Variants in DDX10 observed in about 807,000 individuals in gnomAD.
The protein encoded by DDX10 is probable ATP-dependent RNA helicase DDX10.
DDX10 carries 74 observed loss-of-function variants against 104.3 expected under a neutral mutation model. The observed-to-expected ratio is 0.71, with a 90% CI of 0.59 to 0.86. The LOEUF is 0.86. Ranked by LOEUF, DDX10 falls within the 40% of genes least tolerant of loss-of-function variation. The pLI is 0.00. For synonymous variants in DDX10, 351 were observed against 353.4 expected (o/e 0.99, Z 0.08); for missense variants, 952 against 1,040.0 (o/e 0.92, Z 1.16).
intron 13 of DDX10, among the ~76,000 whole-genome samples, chr11:108,764,823 G>T (rs1397752361): frequency 6.6e-6 from 1 of 152,174 alleles, no homozygotes; most frequent in African/African-American, 2.4e-5. Context: ...AAAGATTTGA[G>T]AACTGATCAT....
At chr11:108,793,778 G>T (rs934121066) in intron 13 of DDX10, among the ~76,000 whole-genome samples, 1 of 151,924 alleles carries the variant, frequency 6.6e-6, no homozygotes, top group Non-Finnish European at 1.5e-5. Context: ...CTAACCGTAT[G>T]TTTGTACCCA....
In DDX10 at chr11:108,788,607, C is replaced by T. The variant is rs149423932; in HGVS notation, c.1966-49839C>T. 3.7e-3 allele frequency among the ~76,000 whole-genome samples: 561 copies of T among 152,334 alleles called. 2 individuals carry two copies. The highest frequency in any genetic ancestry group is 0.014 in the Middle Eastern group (4 of 294). ...CGAACTCCCGACCTCAGGTGATCCC[C>T]CCACCTTGGTCTCCCAAACTGCTGG... On this transcript the variant is annotated intron_variant, in intron 13 of 17. Transcript: ENST00000322536.
chr11:108,836,399 C>T (rs1297946265), intron 13 of DDX10, among the ~76,000 whole-genome samples: 2 of 152,146 alleles, frequency 1.3e-5, no homozygotes, highest in African/African-American at 4.8e-5. Context: ...TTTTCATAAC[C>T]GTGACCATTA....
At chr11:108,765,365 ATTAAAC>A (rs1565271673) in intron 13 of DDX10, among the ~76,000 whole-genome samples, 3 of 152,228 alleles carry the variant, frequency 2.0e-5, no homozygotes, top group African/African-American at 4.8e-5. Flanking sequence ...AAGAAAAAGC[ATTAAAC>A]TTAAAGTTTC....
intron 11 of DDX10, among the ~76,000 whole-genome samples, chr11:108,717,871 T>A (rs963891482): frequency 2.6e-5 from 4 of 152,106 alleles, no homozygotes; most frequent in African/African-American, 9.7e-5. Flanking sequence ...AAAAAATGTC[T>A]TGGATGGCTG....
intron 13 of DDX10, among the ~76,000 whole-genome samples, chr11:108,744,903 T>C (rs2094329444): frequency 6.6e-6 from 1 of 152,144 alleles, no homozygotes; most frequent in Admixed American, 6.5e-5. Flanking sequence ...CTGTGTTAGA[T>C]GTGATAGGTG....
intron 13 of DDX10, among the ~76,000 whole-genome samples, chr11:108,793,744 G>T (rs2134550365): frequency 6.6e-6 from 1 of 152,124 alleles, no homozygotes; most frequent in East Asian, 1.9e-4. Flanking sequence ...TCTTCTAACT[G>T]TATGTTTGAG....
chr11:108,922,237 C>T (rs1402883237), intron 17 of DDX10: 1 of 32,910 alleles, frequency 3.0e-5, no homozygotes, highest in Non-Finnish European at 5.1e-5. Flanking sequence ...GAGGGAGACT[C>T]CATCTCAAAA....
At chr11:108,922,071 C>G (rs1460160446) in intron 17 of DDX10, 1 of 151,478 alleles carries the variant, frequency 6.6e-6, no homozygotes, top group Non-Finnish European at 1.5e-5. Flanking sequence ...TGGTGAAACC[C>G]TGTCTCTATT....
At chr11:108,824,749 C>T (rs1040056664) in intron 13 of DDX10, among the ~76,000 whole-genome samples, 2 of 152,108 alleles carry the variant, frequency 1.3e-5, no homozygotes, top group Non-Finnish European at 2.9e-5. Context: ...TTTTGTTAAA[C>T]AGCAGGAAAT....
At chr11:108,822,514 C>A in intron 13 of DDX10, 2 of 257,880 alleles carry the variant, frequency 7.8e-6, no homozygotes, top group Non-Finnish European at 1.5e-5. Flanking sequence ...GTAAGAGTAT[C>A]CAACGGCCTC....
In DDX10 at chr11:108,743,336, A is replaced by G. The variant is rs376394991; in HGVS notation, c.1965+19874A>G. Among the ~76,000 whole-genome samples the G allele has an allele frequency of 1.1e-4, 16 of 152,318 alleles. No homozygotes were observed. The East Asian group carries it at 2.9e-3, about 28-fold the overall frequency. On this transcript the variant is annotated intron_variant, in intron 13 of 17. Coordinates refer to ENST00000322536, the MANE Select transcript of DDX10 (RefSeq NM_004398.4). ...TTTCAGTAAAATTTAACATCTCTTC[A>G]TGTTAAAAACCCTCTAACTAGGCAT... is the stretch of plus-strand genomic sequence containing the variant.
chr11:108,733,601 A>T (rs1444942576), intron 13 of DDX10, among the ~76,000 whole-genome samples: 1 of 152,084 alleles, frequency 6.6e-6, no homozygotes, highest in Non-Finnish European at 1.5e-5. Context: ...CTAGCACTGG[A>T]GTCTGTACTT....
intron 1 of DDX10, 91 bp downstream of exon 1, chr11:108,665,430 T>G (rs2094208860): frequency 2.3e-5 from 32 of 1,406,200 alleles, no homozygotes; most frequent in Non-Finnish European, 2.9e-5. Context: ...AGGCGGCGGA[T>G]CTGTCACCGG....
intron 16 of DDX10, among the ~76,000 whole-genome samples, chr11:108,894,799 T>G (rs780034598): frequency 6.6e-6 from 1 of 152,046 alleles, no homozygotes; most frequent in Non-Finnish European, 1.5e-5. Flanking sequence ...ATAGTTATTA[T>G]GAAATTTTGA....
intron 16 of DDX10, among the ~76,000 whole-genome samples, chr11:108,877,184 A>G (rs545132058): frequency 7.9e-5 from 12 of 152,338 alleles, no homozygotes; most frequent in African/African-American, 2.6e-4. Context: ...TATAGACTAT[A>G]TTTAACTTTT....
intron 13 of DDX10, among the ~76,000 whole-genome samples, chr11:108,746,899 A>G (rs1035879401): frequency 2.6e-5 from 4 of 152,116 alleles, no homozygotes; most frequent in South Asian, 2.1e-4. Flanking sequence ...TGCTATAGAA[A>G]TGTTTTGGGG....
intron 17 of DDX10, chr11:108,922,030 G>C (rs1175074726): frequency 6.6e-6 from 1 of 152,104 alleles, no homozygotes; most frequent in African/African-American, 2.4e-5. Context: ...CGGATCACAA[G>C]GTCAAGAGAT....
chr11:108,807,065 A>C (rs1279917768), intron 13 of DDX10, among the ~76,000 whole-genome samples: 1 of 152,238 alleles, frequency 6.6e-6, no homozygotes, highest in Non-Finnish European at 1.5e-5. Flanking sequence ...TTAGGCAAGC[A>C]ATAGCTTGGA....
Sources: gnomAD v4.1 joint callset for allele counts (sites outside exome capture counted in the v4.1 genomes callset) on GRCh38, gnomAD v4.1.1 for gene constraint, MANE v1.5 for transcripts, NCBI Gene and HGNC (gene_info 2026-07-23, HGNC 2026-07-21) for gene names.